Variants in CA5B observed in about 807,000 individuals in gnomAD.
CA5B encodes the protein carbonic anhydrase 5B, mitochondrial.
A neutral mutation model predicts 23.1 loss-of-function variants in CA5B; 15 were observed. The observed-to-expected ratio is 0.65, with a 90% CI of 0.43 to 1.00. The LOEUF (loss-of-function observed/expected upper bound fraction) is 1.00, where lower values mean the gene tolerates loss of function less well. Among genes scored for constraint, CA5B ranks in the 50% least tolerant of loss-of-function variants. CA5B has a pLI of 0.00. For missense variants in CA5B, 236 were observed against 252.2 expected, an observed-to-expected ratio of 0.94 and a Z score of 0.43; for synonymous variants, 84 against 98.5, an observed-to-expected ratio of 0.85 and a Z score of 0.87.
chrX:15,781,506 A>C (rs1271461328), intron 7 of CA5B, among the ~76,000 whole-genome samples: 2 of 112,321 alleles, frequency 1.8e-5, no homozygotes, highest in Non-Finnish European at 3.8e-5. Flanking sequence ...TCAAGTGCCC[A>C]GTAGCCACAT....
At chrX:15,765,729 A>G (rs1358326296) in intron 3 of CA5B, among the ~76,000 whole-genome samples, 2 of 110,144 alleles carry the variant, frequency 1.8e-5, no homozygotes, top group East Asian at 5.7e-4. Flanking sequence ...GGATGCCACT[A>G]AAGATCCTGC....
intron 1 of CA5B, among the ~76,000 whole-genome samples, chrX:15,747,274 G>A (rs1295675022): frequency 1.8e-5 from 2 of 111,851 alleles, no homozygotes; most frequent in Non-Finnish European, 3.8e-5. Flanking sequence ...AAGTAGACAC[G>A]AGGCTGGCCA....
At chrX:15,775,189 A>T (rs999789712) in intron 5 of CA5B, 57 bp from the exon 6 acceptor site, 4 of 889,019 alleles carry the variant, frequency 4.5e-6, no homozygotes. Context: ...ATTCTGTTAC[A>T]GTTTCTACAG....
intron 2 of CA5B, among the ~76,000 whole-genome samples, chrX:15,759,714 C>T (rs1931561064): frequency 9.9e-6 from 1 of 100,699 alleles, no homozygotes; most frequent in Non-Finnish European, 2.0e-5. Flanking sequence ...TGTTGCCCAT[C>T]AGCTAGAAAT....
intron 2 of CA5B, among the ~76,000 whole-genome samples, chrX:15,752,147 A>G (rs1349360795): frequency 9.0e-6 from 1 of 110,816 alleles, no homozygotes; most frequent in Non-Finnish European, 1.9e-5. Context: ...ACATAAATCA[A>G]TACATGTAAG....
chrX:15,764,503 G>A, intron 2 of CA5B, 75 bp from the exon 3 acceptor site: 30 of 1,183,287 alleles, frequency 2.5e-5, no homozygotes, highest in Non-Finnish European at 3.4e-5. Flanking sequence ...GCCTCCCCAA[G>A]TGCTGGGATT....
Position 15,784,936 on chromosome X carries a change from A to T in CA5B, c.*2272A>T, listed in dbSNP as rs1330244509. The T allele has an allele frequency of 2.7e-5, 3 of 112,556 alleles. No individual in the cohort carries two copies. Among genetic ancestry groups the T allele is most frequent in the Non-Finnish European group, 3.7e-5 (2 of 53,359 alleles). 9.3% of individuals were successfully genotyped at this position (112,556 alleles called of 1,213,427 possible). A position where few individuals can be genotyped will look rare whatever the true frequency, so the allele number is the denominator to read the frequency against. ...AGTTATACAATTGGCCAATAAGAAC[A>T]TGAAAATATGCTCAACATTGCCAAT... On this transcript the variant is annotated 3_prime_UTR_variant, in exon 8 of 8. Coordinates refer to ENST00000318636, the MANE Select transcript of CA5B (RefSeq NM_007220.4).
intron 2 of CA5B, among the ~76,000 whole-genome samples, chrX:15,750,851 C>T (rs773552375): frequency 2.7e-5 from 3 of 111,629 alleles, no homozygotes; most frequent in Admixed American, 9.5e-5. Flanking sequence ...TTCTCCACTG[C>T]GGCATGATGG....
chrX:15,782,747 G>A lies in CA5B; in HGVS notation c.*83G>A, dbSNP rs1932048497. 1 of 710,850 alleles carries A rather than the reference G, an allele frequency of 1.4e-6. No individual in the cohort carries two copies. Among genetic ancestry groups the A allele is most frequent in the Non-Finnish European group, 2.0e-6 (1 of 488,570 alleles). The allele number at this position is 710,850 out of a possible 1,213,427, so 58.6% of individuals were successfully genotyped here. ...AATTGTTAACTAGACTATTCTAAGT[G>A]CCTGCATTTGATAATATTTACAGAT... On this transcript the variant is annotated 3_prime_UTR_variant, in exon 8 of 8. Coordinates refer to ENST00000318636, the MANE Select transcript of CA5B (RefSeq NM_007220.4).
At chrX:15,742,651 T>C (rs1931146227) in intron 1 of CA5B, among the ~76,000 whole-genome samples, 1 of 112,955 alleles carries the variant, frequency 8.9e-6, no homozygotes, top group Non-Finnish European at 1.9e-5. Context: ...AGTGCTGGAA[T>C]TACACGCATG....
intron 1 of CA5B, among the ~76,000 whole-genome samples, chrX:15,744,337 C>T (rs769467969): frequency 1.8e-5 from 2 of 112,697 alleles, no homozygotes; most frequent in Non-Finnish European, 3.8e-5. Context: ...CTCAGACCCA[C>T]CCCCGACCAA....
chrX:15,745,168 CAAAAAAAA>C (rs371053756), intron 1 of CA5B, among the ~76,000 whole-genome samples: 3 of 34,333 alleles, frequency 8.7e-5, no homozygotes, highest in African/African-American at 3.4e-4. Context: ...GACTCTGTCT[CAAAAAAAA>C]AAAAAAAAAA....
At chrX:15,781,760 A>T (rs781522519) in intron 7 of CA5B, among the ~76,000 whole-genome samples, 1 of 110,797 alleles carries the variant, frequency 9.0e-6, no homozygotes, top group South Asian at 3.9e-4. Flanking sequence ...ACAAAAAATT[A>T]AAAAATTAGC....
At chrX:15,762,269 A>G (rs1468048327) in intron 2 of CA5B, among the ~76,000 whole-genome samples, 1 of 99,297 alleles carries the variant, frequency 1.0e-5, no homozygotes, top group Non-Finnish European at 2.1e-5. Context: ...GACTCCATCT[A>G]AAAAAAAAAA....
At chrX:15,772,385 AATCC>A (rs1931837008) in intron 3 of CA5B, 107 bp from the exon 4 acceptor site, 2 of 466,965 alleles carry the variant, frequency 4.3e-6, no homozygotes, top group South Asian at 7.9e-5. Context: ...AATTCAGTGT[AATCC>A]ATTTAAGACA....
chrX:15,744,671 T>C (rs191073390), intron 1 of CA5B, among the ~76,000 whole-genome samples: 4 of 111,449 alleles, frequency 3.6e-5, no homozygotes, highest in Non-Finnish European at 5.7e-5. Context: ...CTCTTCAGCA[T>C]TGGGGCCTCA....
At chrX:15,747,446 A>C (rs979246591) in intron 1 of CA5B, among the ~76,000 whole-genome samples, 1 of 110,000 alleles carries the variant, frequency 9.1e-6, no homozygotes, top group Admixed American at 9.8e-5. Context: ...TTTCAAAAAT[A>C]CAATGAGGGA....
intron 1 of CA5B, 27 bp from the exon 2 acceptor site, chrX:15,749,944 T>C (rs1001636371): frequency 9.0e-7 from 1 of 1,111,699 alleles, no homozygotes; most frequent in South Asian, 2.0e-5. Flanking sequence ...GTTTACAGCT[T>C]TCCCTCCTCT....
chrX:15,746,767 G>T (rs1348950234), intron 1 of CA5B, among the ~76,000 whole-genome samples: 1 of 111,018 alleles, frequency 9.0e-6, no homozygotes, highest in Non-Finnish European at 1.9e-5. Flanking sequence ...GGGTTGAAGT[G>T]AGGTTTTCTT....
Sources: allele counts gnomAD v4.1 joint callset (sites outside exome capture counted in the v4.1 genomes callset), GRCh38; gene constraint gnomAD v4.1.1; transcripts MANE v1.5; gene names NCBI Gene and HGNC (gene_info 2026-07-23, HGNC 2026-07-21).